The following PPP2R2B variants were observed in gnomAD, a reference collection of about 807,000 sequenced individuals.
PPP2R2B encodes serine/threonine-protein phosphatase 2A 55 kDa regulatory subunit B beta isoform.
A neutral mutation model predicts 46.0 loss-of-function variants in PPP2R2B; 5 were observed. The observed-to-expected ratio is 0.11, with a 90% CI of 0.06 to 0.23. The LOEUF is 0.23. Ranked by LOEUF, PPP2R2B falls within the 10% of genes least tolerant of loss-of-function variation. PPP2R2B has a pLI of 1.00. For missense variants in PPP2R2B, 367 were observed against 575.0 expected, an observed-to-expected ratio of 0.64 and a Z score of 3.70; for synonymous variants, 215 against 206.7, an observed-to-expected ratio of 1.04 and a Z score of -0.34.
chr5:146,658,033 T>C (rs1389459207), intron 5 of PPP2R2B, among the ~76,000 whole-genome samples: 1 of 152,204 alleles, frequency 6.6e-6, no homozygotes, highest in Non-Finnish European at 1.5e-5. Flanking sequence ...TGCTGAGAAG[T>C]TGCCACACAG....
chr5:146,702,022 G>A (rs558102058), intron 2 of PPP2R2B, among the ~76,000 whole-genome samples: 1 of 148,998 alleles, frequency 6.7e-6, no homozygotes, highest in Admixed American at 6.7e-5. Context: ...CCCCTGCAGG[G>A]CTCCAACAAT....
In PPP2R2B at chr5:146,754,130, G is replaced by A. The variant is rs554969254; in HGVS notation, c.71-52988C>T. ...CACAAGCCCCCGCCACGTGTCAGAT[G>A]AAGGATGATTGGAAATTACAACAGC... On this transcript the variant is annotated intron_variant, in intron 2 of 9. Coordinates refer to ENST00000394411, the MANE Select transcript of PPP2R2B (RefSeq NM_181675.4). Among the ~76,000 whole-genome samples, 10 of 152,320 alleles carry A rather than the reference G, an allele frequency of 6.6e-5. 1 individual carries two copies. The East Asian group carries it at 1.9e-3, about 29-fold the overall frequency.
chr5:146,656,143 T>A (rs1776317436), intron 5 of PPP2R2B, among the ~76,000 whole-genome samples: 1 of 152,140 alleles, frequency 6.6e-6, no homozygotes, highest in Non-Finnish European at 1.5e-5. Context: ...TGTGTGTATG[T>A]GTACATGAGG....
At chr5:146,949,285 G>A (rs1419089171) in intron 1 of PPP2R2B, among the ~76,000 whole-genome samples, 1 of 151,866 alleles carries the variant, frequency 6.6e-6, no homozygotes, top group Non-Finnish European at 1.5e-5. Flanking sequence ...CATATAAGGA[G>A]CTCAAACAAC....
At position 147,040,821 on chromosome 5, in the gene PPP2R2B, A is replaced by C. The variant is rs1430418855; in HGVS notation, c.79+14844T>G. The C allele has an allele frequency of 6.8e-6, 3 of 438,890 alleles. 1 individual carries two copies. The East Asian group carries it at 2.1e-4, about 31-fold the overall frequency. The allele number at this position is 438,890 out of a possible 1,614,324, so 27.2% of individuals were successfully genotyped here. The stretch of plus-strand genomic sequence containing the variant: ...GATGAGTTTCCTTAAAAAAAAAAAA[A>C]AAACTGTAAAATAATAGTGCCATTA... On this transcript the variant is annotated intron_variant, in intron 1 of 8. Transcript: ENST00000336640.
chr5:147,003,586 C>A (rs1274704382), intron 1 of PPP2R2B, among the ~76,000 whole-genome samples: 2 of 152,086 alleles, frequency 1.3e-5, no homozygotes, highest in African/African-American at 4.8e-5. Flanking sequence ...TTTGGAGATA[C>A]CTGGTATCTT....
At chr5:147,004,622 A>C (rs1174365682) in intron 1 of PPP2R2B, among the ~76,000 whole-genome samples, 1 of 152,102 alleles carries the variant, frequency 6.6e-6, no homozygotes, top group Non-Finnish European at 1.5e-5. Context: ...CTTATTAGGG[A>C]TATATTAGCC....
At chr5:146,724,628 C>A (rs1166859451) in intron 2 of PPP2R2B, among the ~76,000 whole-genome samples, 1 of 152,100 alleles carries the variant, frequency 6.6e-6, no homozygotes, top group Non-Finnish European at 1.5e-5. Flanking sequence ...CACACAAACA[C>A]AGAGTGAATC....
Position 146,590,037 on chromosome 5 carries a change from C to CT in PPP2R2B, c.1241dup (p.Ile415AspfsTer20). On this transcript the variant is annotated frameshift_variant, in exon 10 of 10. Coordinates refer to ENST00000394411, the MANE Select transcript of PPP2R2B (RefSeq NM_181675.4). LOFTEE classifies it high-confidence loss of function. ...AAGGATGCCAAGCTGTATGCAAGAT[C>CT]TTTTTGCTAAAGTCCAGACTGTCGA... The CT allele has an allele frequency of 6.2e-7, 1 of 1,614,178 alleles. No homozygotes were observed.
chr5:146,647,455 G>A (rs1463079745), intron 6 of PPP2R2B, among the ~76,000 whole-genome samples: 1 of 152,110 alleles, frequency 6.6e-6, no homozygotes, highest in East Asian at 1.9e-4. Flanking sequence ...TGCTTAGGGC[G>A]GTCTGGTTGA....
At chr5:146,853,720 C>A (rs1422695114) in intron 2 of PPP2R2B, among the ~76,000 whole-genome samples, 2 of 151,992 alleles carry the variant, frequency 1.3e-5, no homozygotes, top group African/African-American at 4.8e-5. Flanking sequence ...TCTCCATCTT[C>A]CACAGAATAA....
rs374725300 is a variant in PPP2R2B, at chr5:146,713,326, T to G, written c.71-12184A>C. Among the ~76,000 whole-genome samples, 9 of 151,528 alleles carry G rather than the reference T, an allele frequency of 5.9e-5. No individual in the cohort carries two copies. The East Asian group carries it at 1.7e-3, about 29-fold the overall frequency. On this transcript the variant is annotated intron_variant, in intron 2 of 9. Transcript: ENST00000394411. ...GTAAATAGGTAGGAGAAATGGGAGG[T>G]TCACATGATATAGAGTCTTGTATAA...
intron 5 of PPP2R2B, among the ~76,000 whole-genome samples, chr5:146,653,072 G>T (rs1014191383): frequency 1.3e-5 from 2 of 152,078 alleles, no homozygotes; most frequent in Admixed American, 6.5e-5. Flanking sequence ...ATAATCTCAG[G>T]TAATTCTTTC....
rs368958541 is a variant in PPP2R2B at position 146,818,389 on chromosome 5, C to T, written c.70+59613G>A. ...AAAAATCACGAGGATTTTTATAATC[C>T]CTTCAACACAATCTCTGCTCCCTCT... is the stretch of plus-strand genomic sequence containing the variant. On this transcript the variant is annotated intron_variant, in intron 2 of 9. Coordinates refer to ENST00000394411, the MANE Select transcript of PPP2R2B (RefSeq NM_181675.4). Among the ~76,000 whole-genome samples, 13 of 151,956 alleles carry T rather than the reference C, an allele frequency of 8.6e-5. No individual in the cohort carries two copies. The East Asian group carries it at 2.1e-3, about 25-fold the overall frequency.
intron 1 of PPP2R2B, among the ~76,000 whole-genome samples, chr5:146,987,432 G>A (rs548521899): frequency 6.8e-4 from 103 of 152,084 alleles, no homozygotes; most frequent in African/African-American, 2.3e-3. Flanking sequence ...TTTGTTAAAA[G>A]ATAAGCAATA....
chr5:146,878,473 C>T lies in PPP2R2B; in HGVS notation c.-125+118G>A, dbSNP rs911837253. ...AACAGGTTCCCCTCCTTGGCAGCCG[C>T]TCCAAAATGCAAAAAAGATCCCTCC... is the stretch of plus-strand genomic sequence containing the variant. On this transcript the variant is annotated intron_variant, in intron 1 of 9. Coordinates refer to ENST00000394411, the MANE Select transcript of PPP2R2B (RefSeq NM_181675.4). This position sits in a 1 kb window ranked among gnomAD's most constrained non-coding sequence, Gnocchi z 4.5. The T allele has an allele frequency of 4.9e-4, 668 of 1,360,960 alleles. 1 individual carries two copies. Among genetic ancestry groups the T allele is most frequent in the Non-Finnish European group, 3.9e-4 (414 of 1,053,512 alleles). The allele number at this position is 1,360,960 out of a possible 1,614,324, so 84.3% of individuals were successfully genotyped here. A position where few individuals can be genotyped will look rare whatever the true frequency, so the allele number is the denominator to read the frequency against.
intron 1 of PPP2R2B, among the ~76,000 whole-genome samples, chr5:147,001,944 C>T (rs1223670945): frequency 6.6e-6 from 1 of 152,114 alleles, no homozygotes; most frequent in South Asian, 2.1e-4. Flanking sequence ...GCTTCAGGGT[C>T]CTGACAACAA....
intron 7 of PPP2R2B, among the ~76,000 whole-genome samples, chr5:146,602,716 C>T (rs189264874): frequency 6.6e-6 from 1 of 152,248 alleles, no homozygotes; most frequent in African/African-American, 2.4e-5. Flanking sequence ...AGAATAGCAA[C>T]AAAAGCCCTG....
At chr5:146,649,633 A>T (rs1775820070) in intron 6 of PPP2R2B, among the ~76,000 whole-genome samples, 1 of 151,958 alleles carries the variant, frequency 6.6e-6, no homozygotes, top group Non-Finnish European at 1.5e-5. Context: ...TATTTTTAGT[A>T]AAGTTGGGGC....
Sources: gnomAD v4.1 joint callset for allele counts (sites outside exome capture counted in the v4.1 genomes callset) on GRCh38, gnomAD v4.1.1 for gene constraint, Gnocchi (gnomAD v3.1) non-coding constraint, MANE v1.5 for transcripts, NCBI Gene and HGNC (gene_info 2026-07-23, HGNC 2026-07-21) for gene names.